MACROD2: variants seen among roughly 807,000 people sequenced by gnomAD.
MACROD2 encodes mono-ADP ribosylhydrolase 2, also known as ADP-ribose glycohydrolase MACROD2.
In MACROD2, 36 loss-of-function variants were observed where a neutral mutation model predicts 70.4. The ratio of observed to expected loss-of-function variants is 0.51; its 90% confidence interval spans 0.39 to 0.68. MACROD2 has a LOEUF of 0.68. Among genes scored for constraint, MACROD2 ranks in the 30% least tolerant of loss-of-function variants. MACROD2 has a pLI of 0.00. For synonymous variants in MACROD2, 172 were observed against 178.8 expected (o/e 0.96, Z 0.30); for missense variants, 496 against 538.4 (o/e 0.92, Z 0.78).
chr20:14,388,955 G>A (rs1439217620), intron 3 of MACROD2, among the ~76,000 whole-genome samples: 1 of 151,738 alleles, frequency 6.6e-6, no homozygotes, highest in African/African-American at 2.4e-5. Flanking sequence ...TCGGTCCACT[G>A]CAACCTCTGC....
chr20:14,559,974 C>T (rs1319294486), intron 4 of MACROD2, among the ~76,000 whole-genome samples: 1 of 151,736 alleles, frequency 6.6e-6, no homozygotes, highest in African/African-American at 2.4e-5. Context: ...TATCTATTCA[C>T]ATTTCTCTTT....
intron 6 of MACROD2, among the ~76,000 whole-genome samples, chr20:15,409,405 T>A (rs1476189466): frequency 6.6e-6 from 1 of 152,220 alleles, no homozygotes; most frequent in Non-Finnish European, 1.5e-5. Context: ...GTATAATTCT[T>A]CAAAGCAGGA....
At chr20:15,423,654 T>G (rs532367405) in intron 6 of MACROD2, among the ~76,000 whole-genome samples, 5 of 152,070 alleles carry the variant, frequency 3.3e-5, no homozygotes, top group Admixed American at 6.6e-5. Flanking sequence ...TGGTGTCTCT[T>G]CTTATAAGAG....
chr20:15,859,758 G>A lies in MACROD2; in HGVS notation c.646-2987G>A, dbSNP rs181592558. ...AGTGTTTCACTGTCACCATCCCCGC[G>A]CTTTTTTTTTTTTTTCTGGGAAAAT... On this transcript the variant is annotated intron_variant, in intron 8 of 17. Transcript: ENST00000684519. 7.8e-3 allele frequency among the ~76,000 whole-genome samples: 685 copies of A among 87,744 alleles called. 13 individuals carry two copies. The highest frequency in any genetic ancestry group is 0.057 in the Admixed American group (543 of 9,474). The allele number at this position is 87,744 out of a possible 152,430, so 57.6% of individuals were successfully genotyped here. A position where few individuals can be genotyped will look rare whatever the true frequency, so the allele number is the denominator to read the frequency against.
intron 3 of MACROD2, among the ~76,000 whole-genome samples, chr20:14,204,810 G>T (rs2148750244): frequency 6.6e-6 from 1 of 152,148 alleles, no homozygotes; most frequent in South Asian, 2.1e-4. Flanking sequence ...GTCCTTCTTT[G>T]TGTAGGAGGC....
chr20:14,575,724 A>C (rs1279274021), intron 4 of MACROD2, among the ~76,000 whole-genome samples: 2 of 152,216 alleles, frequency 1.3e-5, no homozygotes, highest in African/African-American at 4.8e-5. Flanking sequence ...TTATTAATGT[A>C]GGAAAAAATT....
intron 6 of MACROD2, among the ~76,000 whole-genome samples, chr20:15,424,683 G>T: frequency 6.7e-6 from 1 of 149,868 alleles, no homozygotes; most frequent in East Asian, 1.9e-4. Context: ...CTGCACCACT[G>T]TACTCCAGCC....
chr20:14,221,731 G>A (rs537301424), intron 3 of MACROD2, among the ~76,000 whole-genome samples: 18 of 152,110 alleles, frequency 1.2e-4, no homozygotes, highest in East Asian at 1.9e-4. Flanking sequence ...TGCAAACTAC[G>A]CATCCCACAG....
chr20:14,920,868 C>T (rs904863543), intron 5 of MACROD2, among the ~76,000 whole-genome samples: 1 of 152,060 alleles, frequency 6.6e-6, no homozygotes, highest in Non-Finnish European at 1.5e-5. Context: ...GAGGTTCCTC[C>T]ACACATTCAC....
intron 4 of MACROD2, among the ~76,000 whole-genome samples, chr20:14,535,584 G>T (rs1465965227): frequency 6.6e-6 from 1 of 151,184 alleles, no homozygotes; most frequent in East Asian, 1.9e-4. Flanking sequence ...GCACTGTGTT[G>T]GTTAGGTAGC....
chr20:14,441,240 A>C (rs1389552555), intron 3 of MACROD2, among the ~76,000 whole-genome samples: 1 of 152,162 alleles, frequency 6.6e-6, no homozygotes, highest in Non-Finnish European at 1.5e-5. Flanking sequence ...CGCTATGTAA[A>C]GAAGTCTAGT....
intron 3 of MACROD2, among the ~76,000 whole-genome samples, chr20:14,103,095 AT>A (rs1042567473): frequency 1.5e-4 from 23 of 149,736 alleles, no homozygotes; most frequent in South Asian, 8.5e-4. Context: ...TCTGATCTAT[AT>A]TTTTTTTTTC....
At chr20:14,475,161 T>C (rs1290981885) in intron 3 of MACROD2, among the ~76,000 whole-genome samples, 1 of 152,044 alleles carries the variant, frequency 6.6e-6, no homozygotes, top group Non-Finnish European at 1.5e-5. Flanking sequence ...GAGGCTTGCA[T>C]AAAGCATCTT....
At chr20:16,026,297 G>A (rs1387365853) in intron 15 of MACROD2, among the ~76,000 whole-genome samples, 1 of 152,194 alleles carries the variant, frequency 6.6e-6, no homozygotes, top group Non-Finnish European at 1.5e-5. Context: ...GAGAGCCTCA[G>A]TACACCACCA....
At chr20:15,195,654 A>C (rs967136973) in intron 5 of MACROD2, among the ~76,000 whole-genome samples, 1 of 152,228 alleles carries the variant, frequency 6.6e-6, no homozygotes, top group African/African-American at 2.4e-5. Context: ...TAGTTCAACC[A>C]TTGTGGAAGA....
At chr20:14,663,621 A>G (rs2070703258) in intron 4 of MACROD2, among the ~76,000 whole-genome samples, 1 of 152,002 alleles carries the variant, frequency 6.6e-6, no homozygotes, top group African/African-American at 2.4e-5. Flanking sequence ...GAGGTAAAAT[A>G]TTAACAATTG....
chr20:15,134,658 C>T (rs2076132736), intron 5 of MACROD2, among the ~76,000 whole-genome samples: 1 of 151,818 alleles, frequency 6.6e-6, no homozygotes, highest in South Asian at 2.1e-4. Context: ...ATTAAAAGAA[C>T]TAGAAAAGCA....
intron 4 of MACROD2, among the ~76,000 whole-genome samples, chr20:14,538,956 G>T (rs1487420120): frequency 5.3e-5 from 8 of 152,176 alleles, no homozygotes; most frequent in Admixed American, 5.2e-4. Flanking sequence ...TGTGTGTTCT[G>T]TTTCGCTGGT....
At chr20:15,669,914 A>G (rs891994084) in intron 8 of MACROD2, among the ~76,000 whole-genome samples, 7 of 152,196 alleles carry the variant, frequency 4.6e-5, no homozygotes, top group Non-Finnish European at 8.8e-5. Context: ...AGCACCTACT[A>G]TGTGACAGGC....
Sources: gnomAD v4.1 joint callset for allele counts (sites outside exome capture counted in the v4.1 genomes callset) on GRCh38, gnomAD v4.1.1 for gene constraint, MANE v1.5 for transcripts, NCBI Gene and HGNC (gene_info 2026-07-23, HGNC 2026-07-21) for gene names.